The following PRKG1 variants were observed in gnomAD, a reference collection of about 807,000 sequenced individuals.
PRKG1 encodes cGMP-dependent protein kinase 1.
A neutral mutation model predicts 88.1 loss-of-function variants in PRKG1; 35 were observed. The observed-to-expected ratio is 0.40, with a 90% CI of 0.30 to 0.53. The LOEUF (loss-of-function observed/expected upper bound fraction) is 0.53. Among genes scored for constraint, PRKG1 ranks in the 20% least tolerant of loss-of-function variants. The pLI is 0.59. For missense variants in PRKG1, 540 were observed against 839.8 expected, an observed-to-expected ratio of 0.64 and a Z score of 4.41; for synonymous variants, 303 against 292.5, an observed-to-expected ratio of 1.04 and a Z score of -0.37.
At chr10:51,706,453 C>T (rs4935278) in intron 3 of PRKG1, among the ~76,000 whole-genome samples, 4,991 of 152,050 alleles carry the variant, frequency 0.033, 257 homozygotes, top group African/African-American at 0.11. Flanking sequence ...TCTGCCATTT[C>T]TGGACTTGAG....
At chr10:51,170,188 T>C (rs1004491643) in intron 2 of PRKG1, among the ~76,000 whole-genome samples, 10 of 152,096 alleles carry the variant, frequency 6.6e-5, no homozygotes, top group Non-Finnish European at 1.3e-4. Flanking sequence ...GCTTATTTTG[T>C]ATAAAAATCG....
At chr10:51,408,509 C>G (rs925549386) in intron 2 of PRKG1, among the ~76,000 whole-genome samples, 1 of 152,160 alleles carries the variant, frequency 6.6e-6, no homozygotes, top group Non-Finnish European at 1.5e-5. Flanking sequence ...AGTAAGTATT[C>G]CAGTGAGGCC....
At chr10:51,721,515 G>C (rs547392902) in intron 3 of PRKG1, among the ~76,000 whole-genome samples, 1 of 152,066 alleles carries the variant, frequency 6.6e-6, no homozygotes, top group Non-Finnish European at 1.5e-5. Context: ...AGAAAAGTGC[G>C]GTGGAAATCC....
At chr10:51,822,635 A>G (rs1028399326) in intron 4 of PRKG1, among the ~76,000 whole-genome samples, 1 of 152,166 alleles carries the variant, frequency 6.6e-6, no homozygotes, top group Non-Finnish European at 1.5e-5. Flanking sequence ...TCTGTGTCCC[A>G]CCAGTTTCTC....
intron 3 of PRKG1, among the ~76,000 whole-genome samples, chr10:51,547,511 A>T (rs978239587): frequency 6.6e-6 from 1 of 152,158 alleles, no homozygotes; most frequent in Non-Finnish European, 1.5e-5. Flanking sequence ...ATAGCCAATT[A>T]GAAGAATTAC....
At chr10:51,702,316 G>T (rs1361815834) in intron 3 of PRKG1, among the ~76,000 whole-genome samples, 2 of 152,110 alleles carry the variant, frequency 1.3e-5, no homozygotes, top group African/African-American at 4.8e-5. Context: ...GGACCAGTGT[G>T]ACCCACCATG....
At chr10:52,185,229 A>T (rs1386587726) in intron 9 of PRKG1, among the ~76,000 whole-genome samples, 1 of 152,180 alleles carries the variant, frequency 6.6e-6, no homozygotes, top group Non-Finnish European at 1.5e-5. Context: ...GGTAAACATG[A>T]CCATTCCAAA....
chr10:51,508,895 C>A (rs551101134), intron 3 of PRKG1, among the ~76,000 whole-genome samples: 2 of 152,090 alleles, frequency 1.3e-5, no homozygotes, highest in Non-Finnish European at 2.9e-5. Context: ...ATTATTACAA[C>A]GGTATTGCTA....
intron 9 of PRKG1, among the ~76,000 whole-genome samples, chr10:52,235,343 A>G (rs1364876178): frequency 3.2e-5 from 2 of 62,084 alleles, no homozygotes; most frequent in Non-Finnish European, 6.0e-5. Context: ...AATGGACTAA[A>G]TGCTCCAATT....
rs569565481 is a variant in PRKG1 at position 51,287,712 on chromosome 10, G to A, written c.478+134382G>A. 1.8e-4 allele frequency among the ~76,000 whole-genome samples: 27 copies of A among 152,172 alleles called. No homozygotes were observed. The East Asian group carries it at 4.1e-3, about 23-fold the overall frequency. On this transcript the variant is annotated intron_variant, in intron 2 of 17. Transcript: ENST00000373980. ...AAGACAAGATTTAAATGGGGAGAAG[G>A]GGGTGATTTTGTAGGTCTGGGCCAG...
intron 9 of PRKG1, among the ~76,000 whole-genome samples, chr10:52,234,334 A>C (rs1185697656): frequency 6.6e-6 from 1 of 152,226 alleles, no homozygotes; most frequent in Admixed American, 6.5e-5. Context: ...TGATGAGCTG[A>C]GAGAAGAAGG....
At chr10:52,285,272 C>T (rs1842092491) in intron 14 of PRKG1, among the ~76,000 whole-genome samples, 1 of 152,026 alleles carries the variant, frequency 6.6e-6, no homozygotes, top group South Asian at 2.1e-4. Context: ...TGGCATTCCT[C>T]TAGTGATTGG....
intron 3 of PRKG1, among the ~76,000 whole-genome samples, chr10:51,553,767 ATATAATATATGTATATATTAGATACG>A: frequency 7.5e-6 from 1 of 133,086 alleles, no homozygotes. Flanking sequence ...AGATACGTGT[ATATAATATATGTATATATTAGATACG>A]TGTATATAAT....
chr10:52,274,720 T>C (rs1207119984), intron 12 of PRKG1, among the ~76,000 whole-genome samples: 4 of 152,008 alleles, frequency 2.6e-5, no homozygotes, highest in African/African-American at 9.7e-5. Flanking sequence ...CTGGGTCAAA[T>C]GGTAATTCTA....
intron 10 of PRKG1, among the ~76,000 whole-genome samples, chr10:52,268,643 G>A (rs940398258): frequency 6.6e-6 from 1 of 151,928 alleles, no homozygotes; most frequent in Non-Finnish European, 1.5e-5. Flanking sequence ...AATTGGTTTT[G>A]TATTCAGCTG....
intron 7 of PRKG1, among the ~76,000 whole-genome samples, chr10:52,131,816 C>CAAAAAAAAAAAA (rs71459439): frequency 4.5e-5 from 2 of 44,084 alleles, no homozygotes; most frequent in African/African-American, 8.4e-5. Flanking sequence ...GAAACTCCAT[C>CAAAAAAAAAAAA]AAAAAAAAAA....
At chr10:52,173,970 G>A (rs536732276) in intron 9 of PRKG1, among the ~76,000 whole-genome samples, 12 of 152,162 alleles carry the variant, frequency 7.9e-5, no homozygotes, top group African/African-American at 2.4e-4. Flanking sequence ...TTGTTGAAAT[G>A]ACCCTGAAAA....
chr10:51,549,400 C>T (rs998103700), intron 3 of PRKG1, among the ~76,000 whole-genome samples: 4 of 151,848 alleles, frequency 2.6e-5, no homozygotes, highest in African/African-American at 9.7e-5. Context: ...ATTCTGGACT[C>T]CACTAGACAC....
intron 5 of PRKG1, among the ~76,000 whole-genome samples, chr10:51,947,514 G>A (rs545976330): frequency 2.1e-4 from 31 of 150,296 alleles, no homozygotes; most frequent in African/African-American, 2.9e-4. Context: ...AGATGAACCC[G>A]GTACCTCAGA....
Sources: allele counts gnomAD v4.1 joint callset (sites outside exome capture counted in the v4.1 genomes callset), GRCh38; gene constraint gnomAD v4.1.1; transcripts MANE v1.5; gene names NCBI Gene and HGNC (gene_info 2026-07-23, HGNC 2026-07-21).